The following CZIB variants were observed in gnomAD, a reference collection of about 807,000 sequenced individuals.
CZIB encodes the protein UPF0587 protein C1orf123.
In CZIB, 26 loss-of-function variants were observed where a neutral mutation model predicts 28.3. The observed-to-expected ratio is 0.92, with a 90% CI of 0.67 to 1.27. CZIB has a LOEUF of 1.27. Among genes scored for constraint, CZIB ranks in the 50% most tolerant of loss-of-function variants. The pLI is 0.00. For synonymous variants in CZIB, 78 were observed against 71.1 expected, an observed-to-expected ratio of 1.10 and a Z score of -0.49; for missense variants, 179 against 197.3, an observed-to-expected ratio of 0.91 and a Z score of 0.56.
rs796661118 is a variant in CZIB at position 53,214,789 on chromosome 1, G to A, written c.406-53C>T. 81 of 1,512,678 alleles carry A rather than the reference G, an allele frequency of 5.4e-5. 1 individual carries two copies. In the African/African-American group the frequency reaches 9.6e-4, roughly 18 times the overall value. The allele number at this position is 1,512,678 out of a possible 1,614,324, so 93.7% of individuals were successfully genotyped here. ...TCACAACGCAGAATGCAGCCATGTG[G>A]AGAGCAGAAAACTGGGACTTAAAAG... On this transcript the variant is annotated intron_variant, in intron 7 of 7. Coordinates refer to ENST00000294360, the MANE Select transcript of CZIB (RefSeq NM_017887.3).
At position 53,220,433 on chromosome 1, in the gene CZIB, C is replaced by T. The variant is rs1451665003; in HGVS notation, c.7-89G>A. 2.5e-6 allele frequency: 4 copies of T among 1,572,264 alleles called. No homozygotes were observed. In the Admixed American group the frequency reaches 5.0e-5, roughly 20 times the overall value. On this transcript the variant is annotated intron_variant, in intron 1 of 7. Coordinates refer to ENST00000294360, the MANE Select transcript of CZIB (RefSeq NM_017887.3). ...CTCCCGCATTCCCAGCCGTGGGTGCCACAGGGAGACACTCCTTCTGCCTCC... is the reference window on the plus strand; with the variant it reads ...CTCCCGCATTCCCAGCCGTGGGTGCTACAGGGAGACACTCCTTCTGCCTCC...
At chr1:53,215,931 C>CA in intron 7 of CZIB, 60 bp downstream of exon 7, 3 of 1,558,088 alleles carry the variant, frequency 1.9e-6, no homozygotes, top group Non-Finnish European at 2.6e-6. Context: ...CCTTGTCCAC[C>CA]AAAAAAATAA....
Position 53,220,547 on chromosome 1 carries a change from C to T in CZIB, c.6+23G>A, listed in dbSNP as rs376948191. 9 of 1,599,646 alleles carry T rather than the reference C, an allele frequency of 5.6e-6. No individual in the cohort carries two copies. The African/African-American group carries it at 6.7e-5, about 12-fold the overall frequency. Reference sequence around the variant, plus strand: ...CCTCGCCACCTCCCCTCCGTGTCCCCGCGGCGGGCGGCCTCCCCTCACCCC... The same window carrying T: ...CCTCGCCACCTCCCCTCCGTGTCCCTGCGGCGGGCGGCCTCCCCTCACCCC... On this transcript the variant is annotated intron_variant, in intron 1 of 7. Coordinates refer to ENST00000294360, the MANE Select transcript of CZIB (RefSeq NM_017887.3).
At position 53,214,519 on chromosome 1, in the gene CZIB, T is replaced by TA; in HGVS notation, c.*139dup. ...ATTGATGGGGCTTGGGAAGCTGTAA[T>TA]AAAGTCCAGCATGCAGATTGTGAAG... On this transcript the variant is annotated 3_prime_UTR_variant, in exon 8 of 8. Coordinates refer to ENST00000294360, the MANE Select transcript of CZIB (RefSeq NM_017887.3). 1 of 673,142 alleles carries TA rather than the reference T, an allele frequency of 1.5e-6. No individual in the cohort carries two copies. Among genetic ancestry groups the TA allele is most frequent in the South Asian group, 1.8e-5 (1 of 54,398 alleles). The allele number at this position is 673,142 out of a possible 1,614,324, so 41.7% of individuals were successfully genotyped here. A position where few individuals can be genotyped will look rare whatever the true frequency, so the allele number is the denominator to read the frequency against.
chr1:53,218,835 T>A (rs761719814), intron 3 of CZIB, 32 bp downstream of exon 3: 1 of 1,573,838 alleles, frequency 6.4e-7, no homozygotes, highest in East Asian at 2.2e-5. Context: ...TTTGTGAGTG[T>A]TTATGTTGGG....
At position 53,219,208 on chromosome 1, in the gene CZIB, AG is replaced by A. The variant is rs200769536; in HGVS notation, c.91-286del. 2.6e-3 allele frequency: 1,035 copies of A among 400,236 alleles called. 7 individuals carry two copies. The highest frequency in any genetic ancestry group is 0.014 in the African/African-American group (694 of 48,044). The allele number at this position is 400,236 out of a possible 1,614,324, so 24.8% of individuals were successfully genotyped here. ...TGCAGAAATGGTTTCAGCGGAGGTG[AG>A]GGGGGGGAATATGGAGAGATTTGTT... On this transcript the variant is annotated intron_variant, in intron 2 of 7. Coordinates refer to ENST00000294360, the MANE Select transcript of CZIB (RefSeq NM_017887.3).
intron 3 of CZIB, 64 bp from the exon 4 acceptor site, chr1:53,218,559 G>A (rs1398128786): frequency 8.0e-6 from 12 of 1,501,906 alleles, no homozygotes; most frequent in East Asian, 7.0e-5. Flanking sequence ...TGAGGAGATC[G>A]AGCCCACCAT....
In CZIB at chr1:53,215,655, A is replaced by T. The variant is rs200001125; in HGVS notation, c.405+336T>A. 3.3e-5 allele frequency among the ~76,000 whole-genome samples: 5 copies of T among 152,210 alleles called. No homozygotes were observed. In the South Asian group the frequency reaches 6.2e-4, roughly 19 times the overall value. On this transcript the variant is annotated intron_variant, in intron 7 of 7. Coordinates refer to ENST00000294360, the MANE Select transcript of CZIB (RefSeq NM_017887.3). ...TGAGCCTCTGGTCACATTTTCATCA[A>T]CCAATCAATAATCTAGCTTTATGTG...
Position 53,214,686 on chromosome 1 carries a change from C to A in CZIB, c.456G>T (p.Glu152Asp), listed in dbSNP as rs746933915. 6.2e-7 allele frequency: 1 copy of A among 1,614,086 alleles called. No homozygotes were observed. The highest frequency in any genetic ancestry group is 8.5e-7 in the Non-Finnish European group (1 of 1,180,022). Residue 152 changes from glutamate to aspartate, a missense_variant, in exon 8 of 8, where the codon GAG (glutamate) becomes GAT (aspartate). By Grantham distance (45) the Glu-to-Asp change is conservative. Coordinates refer to ENST00000294360, the MANE Select transcript of CZIB (RefSeq NM_017887.3). ...EKAQESVGIY[E>D]VTHQFVKC is the part of the protein sequence containing the mutation. Reference sequence around the variant, plus strand: ...AGCACTTCACAAACTGGTGGGTGACCTCATAGATTCCCACAGACTCCTGGG... The same window carrying A: ...AGCACTTCACAAACTGGTGGGTGACATCATAGATTCCCACAGACTCCTGGG...
chr1:53,218,988 A>C (rs755778210), intron 2 of CZIB, 65 bp from the exon 3 acceptor site: 47 of 1,414,700 alleles, frequency 3.3e-5, no homozygotes, highest in Non-Finnish European at 4.0e-5. Context: ...GGAAAGGGTA[A>C]GAACAGTGGG....
chr1:53,214,777 T>C (rs1316014464), intron 7 of CZIB, 41 bp from the exon 8 acceptor site: 4 of 1,563,948 alleles, frequency 2.6e-6, no homozygotes, highest in Non-Finnish European at 3.5e-6. Context: ...CAACGCAGAA[T>C]GCAGCCATGT....
intron 2 of CZIB, chr1:53,219,996 TCAA>T (rs1423798767): frequency 2.8e-5 from 13 of 456,938 alleles, no homozygotes; most frequent in African/African-American, 2.2e-4. Flanking sequence ...AAGCGTCCCT[TCAA>T]GTAGCATTTC....
In CZIB at chr1:53,220,598, T is replaced by C. The variant is rs887480967; in HGVS notation, c.-23A>G. 4 of 1,596,222 alleles carry C rather than the reference T, an allele frequency of 2.5e-6. No homozygotes were observed. The South Asian group carries it at 4.4e-5, about 18-fold the overall frequency. Reference sequence around the variant, plus strand: ...CATGGTAGCCCTCTCCGCCCGGTGCTGGCTGCGGCCCTTGCCGTTGCTTTC... The same window carrying C: ...CATGGTAGCCCTCTCCGCCCGGTGCCGGCTGCGGCCCTTGCCGTTGCTTTC... On this transcript the variant is annotated 5_prime_UTR_variant, in exon 1 of 8. Transcript: ENST00000294360.
chr1:53,215,666 A>G (rs1645465788), intron 7 of CZIB, among the ~76,000 whole-genome samples: 1 of 152,146 alleles, frequency 6.6e-6, no homozygotes, highest in African/African-American at 2.4e-5. Flanking sequence ...CCAATCAATA[A>G]TCTAGCTTTA....
At chr1:53,215,730 C>T (rs1645467440) in intron 7 of CZIB, among the ~76,000 whole-genome samples, 1 of 152,186 alleles carries the variant, frequency 6.6e-6, no homozygotes, top group Non-Finnish European at 1.5e-5. Context: ...TTCATGAACT[C>T]ACAGCCAGCA....
intron 6 of CZIB, 124 bp from the exon 7 acceptor site, chr1:53,216,180 G>A (rs1645471932): frequency 1.2e-6 from 1 of 839,836 alleles, no homozygotes. Context: ...TGCAGTATGA[G>A]TACCTGTCTT....
chr1:53,214,718 C>A lies in CZIB; in HGVS notation c.424G>T (p.Glu142Ter), dbSNP rs764234031. 2 of 1,614,052 alleles carry A rather than the reference C, an allele frequency of 1.2e-6. No individual in the cohort carries two copies. Among genetic ancestry groups the A allele is most frequent in the Non-Finnish European group, 1.7e-6 (2 of 1,179,998 alleles). Residue 142 changes from glutamate to a stop codon, truncating the protein, a stop_gained, in exon 8 of 8, where the codon GAA (glutamate) becomes TAA (stop). Coordinates refer to ENST00000294360, the MANE Select transcript of CZIB (RefSeq NM_017887.3). LOFTEE classifies it high-confidence loss of function. Reference sequence around the variant, plus strand: ...ATTCCCACAGACTCCTGGGCCTTTTCATCATAGTCAGTCCAGTCCTGGGAA... The same window carrying A: ...ATTCCCACAGACTCCTGGGCCTTTTAATCATAGTCAGTCCAGTCCTGGGAA... The part of the protein sequence containing the change: ...LQEKDWTDYD[E>*]KAQESVGIYE...
At chr1:53,215,895 TAC>T (rs1645468775) in intron 7 of CZIB, 94 bp downstream of exon 7, 1 of 1,283,356 alleles carries the variant, frequency 7.8e-7, no homozygotes, top group Non-Finnish European at 1.1e-6. Flanking sequence ...AGCACAAAAA[TAC>T]AGAGTTGGCT....
intron 1 of CZIB, 43 bp from the exon 2 acceptor site, chr1:53,220,387 C>T (rs1432288735): frequency 3.7e-6 from 6 of 1,601,178 alleles, no homozygotes; most frequent in Non-Finnish European, 5.1e-6. Context: ...CGTGCCTGCG[C>T]AGCCCCACGC....
Sources: allele counts gnomAD v4.1 joint callset (sites outside exome capture counted in the v4.1 genomes callset), GRCh38; gene constraint gnomAD v4.1.1; transcripts MANE v1.5; gene names NCBI Gene and HGNC (gene_info 2026-07-23, HGNC 2026-07-21).